Variants in PGA5 observed in about 807,000 individuals in gnomAD.
PGA5 encodes pepsin A-5.
In PGA5, 19 loss-of-function variants were observed where a neutral mutation model predicts 15.9. The ratio of observed to expected loss-of-function variants is 1.19; its 90% CI spans 0.83 to 1.75. The LOEUF (loss-of-function observed/expected upper bound fraction) is 1.75, where lower values mean the gene tolerates loss of function less well. PGA5 is among the 40% of genes most tolerant of loss of function. PGA5 has a pLI of 0.00. For synonymous variants in PGA5, 92 were observed against 95.8 expected, an observed-to-expected ratio of 0.96 and a Z score of 0.23; for missense variants, 224 against 246.4, an observed-to-expected ratio of 0.91 and a Z score of 0.61.
At chr11:61,250,874 C>T (rs190498494) in intron 8 of PGA5, among the ~76,000 whole-genome samples, 86 of 152,050 alleles carry the variant, frequency 5.7e-4, no homozygotes, top group African/African-American at 2.0e-3. Context: ...CCCTTAGCAC[C>T]GATGCTGATG....
chr11:61,248,990 G>A (rs938528139), intron 6 of PGA5, among the ~76,000 whole-genome samples: 1 of 152,110 alleles, frequency 6.6e-6, no homozygotes, highest in African/African-American at 2.4e-5. Flanking sequence ...GGCCTCCCCT[G>A]TCTCCCTGGC....
chr11:61,247,268 G>A (rs1014122287), intron 5 of PGA5, among the ~76,000 whole-genome samples: 15 of 151,130 alleles, frequency 9.9e-5, no homozygotes, highest in South Asian at 2.1e-4. Flanking sequence ...GCCAGTTCTC[G>A]GATGATTAAT....
At chr11:61,250,571 A>G in intron 8 of PGA5, 1 of 457,570 alleles carries the variant, frequency 2.2e-6, no homozygotes, top group Non-Finnish European at 4.4e-6. Context: ...GTCAGGTGGA[A>G]AACTAATTTT....
chr11:61,247,403 G>A (rs1250883342), intron 5 of PGA5, among the ~76,000 whole-genome samples: 1 of 151,222 alleles, frequency 6.6e-6, no homozygotes, highest in African/African-American at 2.4e-5. Flanking sequence ...TCAGCATCCC[G>A]AGTAGCTGGG....
chr11:61,246,659 A>C (rs1196845669), intron 5 of PGA5, among the ~76,000 whole-genome samples: 1 of 151,942 alleles, frequency 6.6e-6, no homozygotes, highest in Non-Finnish European at 1.5e-5. Context: ...GCTACTCAGG[A>C]GGCTGAGGCA....
chr11:61,248,588 C>T lies in PGA5; in HGVS notation c.773+53C>T, dbSNP rs538861466. On this transcript the variant is annotated intron_variant, in intron 6 of 8. Transcript: ENST00000312403. ...CAGGCCTGGGCCCCAGATCCCATTT[C>T]CTTATGGATTCATAGCCAATCAGCT... 7.6e-4 allele frequency: 1,214 copies of T among 1,603,344 alleles called. 24 individuals carry two copies. In the African/African-American group the frequency reaches 0.015, roughly 19 times the overall value.
intron 8 of PGA5, chr11:61,250,561 G>A (rs903907665): frequency 1.3e-5 from 6 of 457,206 alleles, no homozygotes; most frequent in Non-Finnish European, 2.2e-5. Flanking sequence ...TTATTATAAC[G>A]TCAGGTGGAA....
In PGA5 at chr11:61,245,999, T is replaced by C; in HGVS notation, c.510T>C (p.Pro170=). The C allele has an allele frequency of 3.0e-6, 1 of 336,402 alleles. No homozygotes were observed. Among genetic ancestry groups the C allele is most frequent in the Non-Finnish European group, 5.1e-6 (1 of 197,768 alleles). 20.8% of individuals were successfully genotyped at this position (336,402 alleles called of 1,614,324 possible). A position where few individuals can be genotyped will look rare whatever the true frequency, so the allele number is the denominator to read the frequency against. ...NQIFGLSETE[P]GSFLYYAPFD... ...TCTTCGGCCTGAGCGAGACGGAACCTGGCTCCTTCCTGTATTATGCTCCCT... is the reference window on the plus strand; with the variant it reads ...TCTTCGGCCTGAGCGAGACGGAACCCGGCTCCTTCCTGTATTATGCTCCCT... The change falls in exon 5 of 9, where the codon CCT becomes CCC. Residue 170 remains proline (P), a synonymous_variant. Coordinates refer to ENST00000312403, the MANE Select transcript of PGA5 (RefSeq NM_014224.5).
intron 5 of PGA5, among the ~76,000 whole-genome samples, chr11:61,247,579 G>A (rs35417652): frequency 3.3e-5 from 5 of 151,898 alleles, no homozygotes; most frequent in East Asian, 1.9e-4. Flanking sequence ...GCCCAGCCCC[G>A]GATAATTAAT....
At chr11:61,250,782 G>A (rs184474311) in intron 8 of PGA5, 14 of 512,134 alleles carry the variant, frequency 2.7e-5, no homozygotes, top group African/African-American at 9.6e-5. Context: ...GTTTGTCCCT[G>A]ATGAGATAAG....
chr11:61,248,453 G>A lies in PGA5; in HGVS notation c.691G>A (p.Gly231Ser), dbSNP rs893261892. ...GAGTGGCAGCGTGGTGATCTTTGGT[G>A]GCATTGACTCTTCTTACTACACTGG... ...DKSGSVVIFGGIDSSYYTGSL... is the reference protein window; with the variant it reads ...DKSGSVVIFGSIDSSYYTGSL... The change falls in exon 6 of 9, where the codon GGC becomes AGC. Residue 231 changes from glycine (G) to serine (S), a missense_variant. Physicochemically the swap from Gly to Ser is moderately conservative, Grantham distance 56. Transcript: ENST00000312403. The A allele has an allele frequency of 6.2e-7, 1 of 1,613,784 alleles. No homozygotes were observed. The highest frequency in any genetic ancestry group is 8.5e-7 in the Non-Finnish European group (1 of 1,179,868).
intron 8 of PGA5, among the ~76,000 whole-genome samples, chr11:61,250,392 G>T (rs979233205): frequency 2.0e-4 from 31 of 151,508 alleles, no homozygotes; most frequent in Non-Finnish European, 4.6e-4. Flanking sequence ...TCAGAGTGCG[G>T]TTAGGTCAAC....
intron 8 of PGA5, among the ~76,000 whole-genome samples, chr11:61,250,375 C>T (rs1227863111): frequency 1.3e-5 from 2 of 151,426 alleles, no homozygotes; most frequent in Admixed American, 6.6e-5. Context: ...GGCAGCTTTC[C>T]CCACCCTCAG....
intron 5 of PGA5, chr11:61,248,183 C>T (rs1329768605): frequency 9.8e-6 from 9 of 921,336 alleles, no homozygotes; most frequent in African/African-American, 1.6e-5. Context: ...CGCTGTGTGA[C>T]CTTGGGCAGG....
chr11:61,249,594 G>T (rs1854110115), intron 6 of PGA5, 75 bp from the exon 7 acceptor site: 2 of 1,612,200 alleles, frequency 1.2e-6, no homozygotes, highest in Non-Finnish European at 1.7e-6. Flanking sequence ...GAATGTCTGG[G>T]CTCACCTCCT....
At chr11:61,247,130 C>T (rs753647853) in intron 5 of PGA5, among the ~76,000 whole-genome samples, 7 of 151,932 alleles carry the variant, frequency 4.6e-5, no homozygotes, top group Admixed American at 1.3e-4. Context: ...TGAAAGGGTT[C>T]GCCGTCATTC....
intron 6 of PGA5, 181 bp from the exon 7 acceptor site, chr11:61,249,488 G>T: frequency 8.2e-7 from 1 of 1,225,080 alleles, no homozygotes; most frequent in Non-Finnish European, 1.1e-6. Flanking sequence ...GTAGGCACTT[G>T]GGAAATATTT....
rs759863423 is a variant in PGA5, at chr11:61,248,552, C to T, written c.773+17C>T. On this transcript the variant is annotated intron_variant, in intron 6 of 8. Transcript: ENST00000312403. ...CGTGGACAGGTGAGACTGCCATGAA[C>T]GGGCAGCATCCAGGCCTGGGCCCCA... 1.1e-5 allele frequency: 18 copies of T among 1,611,206 alleles called. 2 individuals carry two copies. Among genetic ancestry groups the T allele is most frequent in the South Asian group, 9.9e-5 (9 of 90,986 alleles).
chr11:61,247,233 T>C (rs1001335459), intron 5 of PGA5, among the ~76,000 whole-genome samples: 4 of 151,698 alleles, frequency 2.6e-5, no homozygotes, highest in African/African-American at 9.7e-5. Context: ...GTGGGTTCAG[T>C]GAGTGGGGTC....
Sources: gnomAD v4.1 joint callset for allele counts (sites outside exome capture counted in the v4.1 genomes callset) on GRCh38, gnomAD v4.1.1 for gene constraint, MANE v1.5 for transcripts, NCBI Gene and HGNC (gene_info 2026-07-23, HGNC 2026-07-21) for gene names.